Variants in ITGB3 observed in about 807,000 individuals in gnomAD.
ITGB3 encodes integrin beta-3.
A neutral mutation model predicts 85.8 loss-of-function variants in ITGB3; 48 were observed. The ratio of observed to expected loss-of-function variants is 0.56; its 90% CI spans 0.44 to 0.71. The LOEUF is 0.71. ITGB3 is among the 30% of genes least tolerant of loss of function. The pLI is 0.00. For missense variants in ITGB3, 861 were observed against 1,019.1 expected (o/e 0.84, Z 2.11); for synonymous variants, 363 against 395.6 (o/e 0.92, Z 0.98).
At chr17:47,296,836 G>A (rs553394772) in intron 10 of ITGB3, among the ~76,000 whole-genome samples, 1 of 152,280 alleles carries the variant, frequency 6.6e-6, no homozygotes, top group South Asian at 2.1e-4. Context: ...TGGCCACAGA[G>A]GAATTGACAA....
intron 2 of ITGB3, among the ~76,000 whole-genome samples, chr17:47,275,160 T>C (rs1279593928): frequency 1.3e-5 from 2 of 152,204 alleles, no homozygotes; most frequent in Non-Finnish European, 2.9e-5. Context: ...TTCTCTTTGA[T>C]GATTGGGCCC....
chr17:47,254,017 G>A, intron 1 of ITGB3, 77 bp downstream of exon 1: 4 of 974,564 alleles, frequency 4.1e-6, no homozygotes, highest in South Asian at 2.2e-5. Flanking sequence ...ACTTGGAGCC[G>A]GCAAACGCGG....
At chr17:47,263,409 A>G (rs1231365616) in intron 1 of ITGB3, among the ~76,000 whole-genome samples, 1 of 152,072 alleles carries the variant, frequency 6.6e-6, no homozygotes, top group African/African-American at 2.4e-5. Context: ...TGTCAGCTCC[A>G]CAGAGAGACC....
chr17:47,271,360 T>C (rs2065043581), intron 1 of ITGB3, among the ~76,000 whole-genome samples: 1 of 152,196 alleles, frequency 6.6e-6, no homozygotes, highest in Non-Finnish European at 1.5e-5. Flanking sequence ...TCTACACAAA[T>C]ATAAAGGGAA....
In ITGB3 at chr17:47,290,982, T is replaced by G. The variant is rs1284550906; in HGVS notation, c.1154T>G (p.Val385Gly). 7 of 1,614,154 alleles carry G rather than the reference T, an allele frequency of 4.3e-6. No homozygotes were observed. The highest frequency in any genetic ancestry group is 5.9e-6 in the Non-Finnish European group (7 of 1,179,994). The change falls in exon 9 of 15, where the codon GTG becomes GGG. Residue 385 changes from valine (V) to glycine (G), a missense_variant. Val to Gly is a moderately radical substitution (Grantham distance 109). Coordinates refer to ENST00000559488, the MANE Select transcript of ITGB3 (RefSeq NM_000212.3). ...GKIRSKVELE[V>G]RDLPEELSLS... ...ATCCGTTCTAAAGTAGAGCTGGAAG[T>G]GCGTGACCTCCCTGAAGAGTTGTCT...
rs1261090079 is a variant in ITGB3 at position 47,310,809 on chromosome 17, T to C, written c.*605T>C. 5.9e-6 allele frequency: 1 copy of C among 170,682 alleles called. No homozygotes were observed. The highest frequency in any genetic ancestry group is 2.4e-5 in the African/African-American group (1 of 42,158). 10.6% of individuals were successfully genotyped at this position (170,682 alleles called of 1,614,324 possible). A position where few individuals can be genotyped will look rare whatever the true frequency, so the allele number is the denominator to read the frequency against. On this transcript the variant is annotated 3_prime_UTR_variant, in exon 15 of 15. Coordinates refer to ENST00000559488, the MANE Select transcript of ITGB3 (RefSeq NM_000212.3). ...TGAACTATTAGAGCTGCCTGTGCCT[T>C]TTGCCATCCCCTCAACCCAGCTATG...
intron 6 of ITGB3, among the ~76,000 whole-genome samples, chr17:47,288,236 GAGAGAA>G (rs1336850610): frequency 9.0e-4 from 72 of 79,588 alleles, no homozygotes; most frequent in Middle Eastern, 6.3e-3. Flanking sequence ...GAGAGAGAGA[GAGAGAA>G]AGAGGGGAAA....
chr17:47,253,969 G>A (rs373747142), intron 1 of ITGB3, 29 bp downstream of exon 1: 5 of 1,351,684 alleles, frequency 3.7e-6, no homozygotes, highest in Non-Finnish European at 4.8e-6. Context: ...CGGCAGCGTC[G>A]CAGCTGCCCC....
At chr17:47,302,939 G>A (rs1567769627) in intron 13 of ITGB3, 99 bp downstream of exon 13, 1 of 1,406,376 alleles carries the variant, frequency 7.1e-7, no homozygotes, top group South Asian at 1.2e-5. Context: ...AAGCAAAACA[G>A]GTTAAGCCTG....
At chr17:47,289,390 A>G (rs913810069) in intron 6 of ITGB3, among the ~76,000 whole-genome samples, 14 of 151,648 alleles carry the variant, frequency 9.2e-5, no homozygotes, top group African/African-American at 3.4e-4. Flanking sequence ...CAGTGGTGCA[A>G]TCATAGCTCA....
chr17:47,310,292 G>A lies in ITGB3; in HGVS notation c.*88G>A. On this transcript the variant is annotated 3_prime_UTR_variant, in exon 15 of 15. Coordinates refer to ENST00000559488, the MANE Select transcript of ITGB3 (RefSeq NM_000212.3). ...CATGTTTACAGAGGACAGTATTTGT[G>A]GGGAGGGATTTGGGGCTCAGAGTGG... 1 of 1,339,140 alleles carries A rather than the reference G, an allele frequency of 7.5e-7. No individual in the cohort carries two copies. Among genetic ancestry groups the A allele is most frequent in the Non-Finnish European group, 1.1e-6 (1 of 934,238 alleles). 83.0% of individuals were successfully genotyped at this position (1,339,140 alleles called of 1,614,324 possible). A position where few individuals can be genotyped will look rare whatever the true frequency, so the allele number is the denominator to read the frequency against.
chr17:47,259,868 C>T (rs1470931598), intron 1 of ITGB3, among the ~76,000 whole-genome samples: 1 of 152,150 alleles, frequency 6.6e-6, no homozygotes, highest in African/African-American at 2.4e-5. Context: ...CATTGCACTC[C>T]AGCCTGAGCA....
At chr17:47,283,073 CTTTT>C (rs1555572168) in intron 2 of ITGB3, among the ~76,000 whole-genome samples, 1 of 143,958 alleles carries the variant, frequency 6.9e-6, no homozygotes, top group African/African-American at 2.5e-5. Flanking sequence ...TTTCTTTTTC[CTTTT>C]TTTTTTTTTG....
At chr17:47,293,324 A>G (rs956121988) in intron 10 of ITGB3, among the ~76,000 whole-genome samples, 1 of 152,152 alleles carries the variant, frequency 6.6e-6, no homozygotes, top group Non-Finnish European at 1.5e-5. Flanking sequence ...TCCTTGCCCC[A>G]AGAACCACTC....
At chr17:47,270,726 C>G in intron 1 of ITGB3, among the ~76,000 whole-genome samples, 1 of 152,136 alleles carries the variant, frequency 6.6e-6, no homozygotes, top group East Asian at 1.9e-4. Flanking sequence ...TTCATGGGCT[C>G]ATAAAGGCAT....
rs2143109012 is a variant in ITGB3, at chr17:47,290,953, G to GA, written c.1129dup (p.Ile377AsnfsTer4). ...GTCTTCTTGTGCCCCTTTCTGCTCA[G>GA]AAAATCCGTTCTAAAGTAGAGCTGG... On this transcript the variant is annotated frameshift_variant and splice_region_variant. Coordinates refer to ENST00000559488, the MANE Select transcript of ITGB3 (RefSeq NM_000212.3). LOFTEE classifies it high-confidence loss of function. 6.2e-7 allele frequency: 1 copy of GA among 1,614,086 alleles called. No homozygotes were observed. The highest frequency in any genetic ancestry group is 8.5e-7 in the Non-Finnish European group (1 of 1,180,026).
intron 1 of ITGB3, among the ~76,000 whole-genome samples, chr17:47,270,973 G>C (rs1489543174): frequency 1.3e-5 from 2 of 152,178 alleles, no homozygotes; most frequent in Non-Finnish European, 2.9e-5. Context: ...AAAAAGCAAA[G>C]CAAAACTTCA....
intron 2 of ITGB3, chr17:47,279,714 G>C (rs750380660): frequency 1.3e-5 from 2 of 152,218 alleles, no homozygotes; most frequent in Admixed American, 6.5e-5. Flanking sequence ...AGGCCTTGCT[G>C]CTCTCATCCA....
intron 1 of ITGB3, among the ~76,000 whole-genome samples, chr17:47,266,973 CCTT>C (rs2065027849): frequency 6.6e-6 from 1 of 152,314 alleles, no homozygotes; most frequent in South Asian, 2.1e-4. Flanking sequence ...TCCCACGACT[CCTT>C]CTGCTCAGGG....
Sources: gnomAD v4.1 joint callset for allele counts (sites outside exome capture counted in the v4.1 genomes callset) on GRCh38, gnomAD v4.1.1 for gene constraint, MANE v1.5 for transcripts, NCBI Gene and HGNC (gene_info 2026-07-23, HGNC 2026-07-21) for gene names.